PFKFB3: variants seen among roughly 807,000 people sequenced by gnomAD.
PFKFB3 encodes the protein 6-phosphofructo-2-kinase/fructose-2,6-biphosphatase 3.
In PFKFB3, 33 loss-of-function variants were observed where a neutral mutation model predicts 68.0. That is an observed-to-expected ratio of 0.49 (90% confidence interval 0.37 to 0.65). The LOEUF (loss-of-function observed/expected upper bound fraction) is 0.65. PFKFB3 is among the 30% of genes least tolerant of loss of function. PFKFB3 has a pLI of 0.00. For missense variants in PFKFB3, 586 were observed against 712.2 expected (o/e 0.82, Z 2.02); for synonymous variants, 315 against 288.2 (o/e 1.09, Z -0.94).
the PFKFB3 span, among the ~76,000 whole-genome samples, chr10:6,291,607 A>C: frequency 6.6e-6 from 1 of 152,022 alleles, no homozygotes; most frequent in Non-Finnish European, 1.5e-5. Flanking sequence ...TTTTACATTC[A>C]ATCTATAGTG....
the PFKFB3 span, chr10:6,293,013 C>A: frequency 3.5e-6 from 1 of 289,156 alleles, no homozygotes; most frequent in Non-Finnish European, 6.9e-6. Flanking sequence ...ATTGCTGGCC[C>A]CAGAAAGCCT....
chr10:6,186,919 C>T (rs1352659301), intron 1 of PFKFB3, among the ~76,000 whole-genome samples: 1 of 152,194 alleles, frequency 6.6e-6, no homozygotes, highest in African/African-American at 2.4e-5. Context: ...CTTCTCCTTG[C>T]TTCCTCAGTA....
intron 1 of PFKFB3, among the ~76,000 whole-genome samples, chr10:6,204,579 G>C (rs1049912332): frequency 1.3e-5 from 2 of 152,356 alleles, no homozygotes; most frequent in African/African-American, 2.4e-5. Flanking sequence ...TGGACTTCAG[G>C]GTTCTGGGGT....
At chr10:6,146,279 C>A in intron 1 of PFKFB3, 1 of 1,485,948 alleles carries the variant, frequency 6.7e-7, no homozygotes, top group Non-Finnish European at 8.9e-7. Context: ...GGAGGCTGTA[C>A]CGGACTTGTT....
chr10:6,208,371 CTTT>C (rs35447462), intron 1 of PFKFB3, among the ~76,000 whole-genome samples: 75 of 60,634 alleles, frequency 1.2e-3, no homozygotes, highest in Admixed American at 2.4e-3. Flanking sequence ...GGTACCTGGC[CTTT>C]TTTTTTTTTT....
chr10:6,182,091 C>T lies in PFKFB3; in HGVS notation c.17-31532C>T, dbSNP rs546163776. On this transcript the variant is annotated intron_variant, in intron 1 of 14. Transcript: ENST00000379789. Reference sequence around the variant, plus strand: ...TTATGTATGTTTTGCTACAATAAAACAAAAAGCAAAAGATAAGAGTTGGAG... The same window carrying T: ...TTATGTATGTTTTGCTACAATAAAATAAAAAGCAAAAGATAAGAGTTGGAG... Among the ~76,000 whole-genome samples the T allele has an allele frequency of 3.3e-5, 5 of 152,208 alleles. No homozygotes were observed. In the South Asian group the frequency reaches 1.0e-3, roughly 32 times the overall value.
downstream of PFKFB3, among the ~76,000 whole-genome samples, chr10:6,237,987 C>T (rs117046004): frequency 0.022 from 3,295 of 152,018 alleles, 141 homozygotes; most frequent in Admixed American, 0.097. Flanking sequence ...ATGGTCTAGA[C>T]AATTTGTGAA....
At chr10:6,276,092 A>G in the PFKFB3 span, among the ~76,000 whole-genome samples, 4 of 152,324 alleles carry the variant, frequency 2.6e-5, no homozygotes, top group South Asian at 4.1e-4. Context: ...ATTTTTGGTA[A>G]AAACAGAACC....
At chr10:6,146,960 A>G (rs1210391214) in intron 1 of PFKFB3, among the ~76,000 whole-genome samples, 2 of 152,270 alleles carry the variant, frequency 1.3e-5, no homozygotes, top group Admixed American at 1.3e-4. Flanking sequence ...GTTGCTTGGC[A>G]TAAGTGCTGT....
At position 6,228,463 on chromosome 10, in the gene PFKFB3, TG is replaced by T. The variant is rs1270093296; in HGVS notation, c.1515+2100del. On this transcript the variant is annotated intron_variant, in intron 14 of 14. Coordinates refer to ENST00000379775, the MANE Select transcript of PFKFB3 (RefSeq NM_004566.4). The surrounding 1 kb of genome is among the most constrained non-coding windows in gnomAD (Gnocchi z 4.5). Reference sequence around the variant, plus strand: ...TGTTCCGACACCGCCGCACGACCGCTGGCTTCTCCCCTACCCTCTCAGGGCT... The same window carrying T: ...TGTTCCGACACCGCCGCACGACCGCTGCTTCTCCCCTACCCTCTCAGGGCT... 6.6e-6 allele frequency among the ~76,000 whole-genome samples: 1 copy of T among 152,086 alleles called. No individual in the cohort carries two copies. The highest frequency in any genetic ancestry group is 1.5e-5 in the Non-Finnish European group (1 of 68,022).
rs557402688 is a variant in PFKFB3, at chr10:6,181,084, A to G, written c.17-32539A>G. 2.6e-5 allele frequency among the ~76,000 whole-genome samples: 4 copies of G among 152,100 alleles called. 1 individual carries two copies. The South Asian group carries it at 8.3e-4, about 32-fold the overall frequency. On this transcript the variant is annotated intron_variant, in intron 1 of 14. Transcript: ENST00000379789. ...GGCTGGAGTGCAGTGGTGCAGTCAT[A>G]GTACACTGTAACCTCAAACTCCTGG...
chr10:6,213,073 C>T (rs190787067), intron 1 of PFKFB3, among the ~76,000 whole-genome samples: 65 of 152,226 alleles, frequency 4.3e-4, no homozygotes, highest in Non-Finnish European at 4.6e-4. Flanking sequence ...CTAGGTTTAG[C>T]GCCCTGGGTA....
the PFKFB3 span, chr10:6,294,271 A>C: frequency 1.5e-5 from 8 of 525,586 alleles, no homozygotes; most frequent in Admixed American, 4.0e-5. Flanking sequence ...GCAGTGTATT[A>C]ATCTGTTCTC....
the PFKFB3 span, among the ~76,000 whole-genome samples, chr10:6,322,529 TGTCAATGGCTTCCCACC>T: frequency 6.6e-6 from 1 of 152,194 alleles, no homozygotes; most frequent in Non-Finnish European, 1.5e-5. Flanking sequence ...GCTTAAAACT[TGTCAATGGCTTCCCACC>T]ATGCCTCAAA....
chr10:6,167,411 G>A (rs1246293352), intron 1 of PFKFB3, among the ~76,000 whole-genome samples: 2 of 152,200 alleles, frequency 1.3e-5, no homozygotes, highest in Non-Finnish European at 2.9e-5. Context: ...GGATTCATTT[G>A]CTGAATTAAT....
At chr10:6,262,183 G>A in the PFKFB3 span, among the ~76,000 whole-genome samples, 9 of 151,990 alleles carry the variant, frequency 5.9e-5, no homozygotes, top group Admixed American at 3.3e-4. Context: ...GGCCGGGCGT[G>A]GTGGCTCACG....
chr10:6,224,329 C>A, intron 13 of PFKFB3, 116 bp downstream of exon 13: 2 of 933,104 alleles, frequency 2.1e-6, no homozygotes, highest in Non-Finnish European at 3.4e-6. Flanking sequence ...TGTCTGGGGC[C>A]ATGGGCCTGC....
intron 1 of PFKFB3, among the ~76,000 whole-genome samples, chr10:6,205,178 G>C (rs1843602902): frequency 6.6e-6 from 1 of 151,380 alleles, no homozygotes; most frequent in Non-Finnish European, 1.5e-5. Flanking sequence ...TTGAGGTATA[G>C]TCTCAGACAC....
downstream of PFKFB3, among the ~76,000 whole-genome samples, chr10:6,255,123 T>C (rs925220915): frequency 2.1e-5 from 3 of 140,546 alleles, no homozygotes; most frequent in Admixed American, 2.2e-4. Flanking sequence ...GGCCAATCTC[T>C]GTTTCTTTTC....
Sources: gnomAD v4.1 joint callset for allele counts (sites outside exome capture counted in the v4.1 genomes callset) on GRCh38, gnomAD v4.1.1 for gene constraint, Gnocchi (gnomAD v3.1) non-coding constraint, MANE v1.5 for transcripts, NCBI Gene and HGNC (gene_info 2026-07-23, HGNC 2026-07-21) for gene names.